VPS50: variants seen among roughly 807,000 people sequenced by gnomAD.
VPS50 encodes the protein syndetin.
In VPS50, 70 loss-of-function variants were observed where a neutral mutation model predicts 139.7. The ratio of observed to expected loss-of-function variants is 0.50; its 90% confidence interval spans 0.41 to 0.61. VPS50 has a LOEUF of 0.61. Among genes scored for constraint, VPS50 ranks in the 20% least tolerant of loss-of-function variants. The pLI is 0.00. For synonymous variants in VPS50, 365 were observed against 376.7 expected (o/e 0.97, Z 0.36); for missense variants, 921 against 1,133.7 (o/e 0.81, Z 2.69).
At chr7:93,348,440 A>G (rs1332726886) in intron 23 of VPS50, among the ~76,000 whole-genome samples, 1 of 152,216 alleles carries the variant, frequency 6.6e-6, no homozygotes. Context: ...CATTTGAAGC[A>G]CATGACTACA....
At chr7:93,256,620 A>T (rs747735425) in intron 5 of VPS50, 58 bp downstream of exon 5, 2 of 857,782 alleles carry the variant, frequency 2.3e-6, no homozygotes, top group Admixed American at 2.7e-5. Context: ...AGTGATTTAC[A>T]CTTGAAACTG....
intron 18 of VPS50, among the ~76,000 whole-genome samples, chr7:93,307,895 A>G (rs561860347): frequency 6.6e-6 from 1 of 151,958 alleles, no homozygotes; most frequent in South Asian, 2.1e-4. Flanking sequence ...GACTCTCAAA[A>G]AATAGTTGTT....
At chr7:93,315,203 A>G (rs547483347) in intron 20 of VPS50, among the ~76,000 whole-genome samples, 256 of 152,266 alleles carry the variant, frequency 1.7e-3, no homozygotes, top group African/African-American at 5.9e-3. Flanking sequence ...GTTACACTTA[A>G]AATATCTTAA....
chr7:93,252,037 T>A (rs1325852228), intron 2 of VPS50, among the ~76,000 whole-genome samples: 3 of 152,334 alleles, frequency 2.0e-5, no homozygotes, highest in African/African-American at 7.2e-5. Context: ...TTCTGTATCA[T>A]TAGAAAGAAA....
intron 21 of VPS50, among the ~76,000 whole-genome samples, chr7:93,332,445 T>C (rs1315400668): frequency 6.6e-6 from 1 of 152,184 alleles, no homozygotes; most frequent in African/African-American, 2.4e-5. Flanking sequence ...GGTGTCAACA[T>C]GCATTTTGAG....
At chr7:93,342,317 GGAGGGTCCCATGCCCAC>G (rs934443598) in intron 23 of VPS50, among the ~76,000 whole-genome samples, 1 of 152,212 alleles carries the variant, frequency 6.6e-6, no homozygotes, top group African/African-American at 2.4e-5. Context: ...CACCTGGCTC[GGAGGGTCCCATGCCCAC>G]GAAGTCTCGC....
chr7:93,353,784 A>G, intron 26 of VPS50, 23 bp downstream of exon 26: 2 of 1,575,650 alleles, frequency 1.3e-6, no homozygotes, highest in Middle Eastern at 1.7e-4. Flanking sequence ...TGAAAGCATT[A>G]TTTGTTTCTT....
At chr7:93,345,070 A>G (rs1308723870) in intron 23 of VPS50, among the ~76,000 whole-genome samples, 2 of 152,226 alleles carry the variant, frequency 1.3e-5, no homozygotes, top group Non-Finnish European at 2.9e-5. Flanking sequence ...AACAAAATTG[A>G]TAGACTGCTA....
At chr7:93,235,128 T>G (rs886747159) in intron 1 of VPS50, among the ~76,000 whole-genome samples, 1 of 151,904 alleles carries the variant, frequency 6.6e-6, no homozygotes, top group Non-Finnish European at 1.5e-5. Flanking sequence ...GTGAACTCTG[T>G]GAGGTAGATA....
At chr7:93,260,680 TGTTTG>T (rs1403925394) in intron 9 of VPS50, among the ~76,000 whole-genome samples, 1 of 111,802 alleles carries the variant, frequency 8.9e-6, no homozygotes, top group Non-Finnish European at 2.2e-5. Flanking sequence ...CATGTTTTTT[TGTTTG>T]TTTGTTTGTT....
intron 23 of VPS50, among the ~76,000 whole-genome samples, chr7:93,342,288 A>G (rs926382547): frequency 1.3e-5 from 2 of 152,232 alleles, no homozygotes; most frequent in Non-Finnish European, 2.9e-5. Flanking sequence ...AAAACGGTGC[A>G]TCAGGAGATT....
At chr7:93,290,815 C>G (rs773539406) in intron 12 of VPS50, among the ~76,000 whole-genome samples, 7 of 151,838 alleles carry the variant, frequency 4.6e-5, no homozygotes, top group Non-Finnish European at 1.0e-4. Flanking sequence ...GAAGAAAAAG[C>G]CTTTTGAAAG....
intron 23 of VPS50, 26 bp from the exon 24 acceptor site, chr7:93,348,685 C>T: frequency 7.0e-7 from 1 of 1,426,774 alleles, no homozygotes; most frequent in African/African-American, 1.4e-5. Flanking sequence ...AATTTGTTTA[C>T]ACAGTGGGTT....
At chr7:93,249,435 T>G (rs1795253211) in intron 2 of VPS50, among the ~76,000 whole-genome samples, 1 of 152,060 alleles carries the variant, frequency 6.6e-6, no homozygotes, top group Non-Finnish European at 1.5e-5. Context: ...CCAAGTATCT[T>G]TACCTTCTTA....
At chr7:93,352,729 C>T (rs750655227) in intron 25 of VPS50, among the ~76,000 whole-genome samples, 51 of 152,108 alleles carry the variant, frequency 3.4e-4, no homozygotes, top group Non-Finnish European at 6.3e-4. Flanking sequence ...CTGCTCTTTC[C>T]GTCTAATTAT....
intron 9 of VPS50, among the ~76,000 whole-genome samples, chr7:93,269,827 C>G (rs1795952136): frequency 1.3e-5 from 2 of 152,022 alleles, no homozygotes; most frequent in East Asian, 3.8e-4. Flanking sequence ...TATTTTTCCC[C>G]TTTGAGCTAC....
intron 21 of VPS50, among the ~76,000 whole-genome samples, chr7:93,325,027 A>G (rs533609817): frequency 0.026 from 4,004 of 151,992 alleles, 180 homozygotes; most frequent in African/African-American, 0.092. Flanking sequence ...GAGGCATCAC[A>G]CTACCTGACT....
chr7:93,276,159 C>G lies in VPS50; in HGVS notation c.802-6C>G. On this transcript the variant is annotated splice_polypyrimidine_tract_variant and splice_region_variant and intron_variant, in intron 11 of 27. Coordinates refer to ENST00000305866, the MANE Select transcript of VPS50 (RefSeq NM_017667.4). ...AATTATGTTGTGCGTTTTTTTCTTT[C>G]CACAGACAGCAATGGATCAACTTCA... 6.3e-7 allele frequency: 1 copy of G among 1,576,206 alleles called. No homozygotes were observed. The highest frequency in any genetic ancestry group is 8.6e-7 in the Non-Finnish European group (1 of 1,161,510).
intron 20 of VPS50, among the ~76,000 whole-genome samples, chr7:93,315,158 T>C (rs1214746856): frequency 6.6e-6 from 1 of 152,182 alleles, no homozygotes; most frequent in Admixed American, 6.5e-5. Flanking sequence ...TTTATACTGT[T>C]TTTTATCTGG....
Sources: allele counts gnomAD v4.1 joint callset (sites outside exome capture counted in the v4.1 genomes callset), GRCh38; gene constraint gnomAD v4.1.1; transcripts MANE v1.5; gene names NCBI Gene and HGNC (gene_info 2026-07-23, HGNC 2026-07-21).